The following FAM120C variants were observed in gnomAD, a reference collection of about 807,000 sequenced individuals.
FAM120C encodes constitutive coactivator of PPAR-gamma-like protein 2.
In FAM120C, 14 loss-of-function variants were observed where a neutral mutation model predicts 71.2. The observed-to-expected ratio is 0.20, with a 90% CI of 0.13 to 0.31. The LOEUF (loss-of-function observed/expected upper bound fraction) is 0.31, where lower values mean the gene tolerates loss of function less well. Ranked by LOEUF, FAM120C falls within the 10% of genes least tolerant of loss-of-function variation. The pLI, the probability that FAM120C is intolerant of heterozygous loss-of-function variation, is 1.00. For synonymous variants in FAM120C, 354 were observed against 353.2 expected (o/e 1.00, Z -0.03); for missense variants, 500 against 879.0 (o/e 0.57, Z 5.45).
intron 15 of FAM120C, among the ~76,000 whole-genome samples, chrX:54,077,522 A>G (rs1024371350): frequency 1.8e-5 from 2 of 110,627 alleles, no homozygotes; most frequent in African/African-American, 3.3e-5. Flanking sequence ...TCTACAAAAA[A>G]TATTTAAAAA....
chrX:54,165,693 C>T (rs1333734644), intron 1 of FAM120C, among the ~76,000 whole-genome samples: 1 of 110,600 alleles, frequency 9.0e-6, no homozygotes, highest in African/African-American at 3.3e-5. Context: ...AGGAGATTTG[C>T]TTGATCTCAG....
chrX:54,091,419 C>T lies in FAM120C; in HGVS notation c.2320G>A (p.Val774Ile). ...AGGATTCGGCCACCAGGCCACTGAA[C>T]CATGTACCTAGAAAATAAAAGCACT... ...LLMCCVLRYM[V>I]QWPGGRILHR... Residue 774 changes from valine to isoleucine, a missense_variant, in exon 11 of 16, where the codon GTT (valine) becomes ATT (isoleucine). Val to Ile is a conservative substitution (Grantham distance 29, BLOSUM62 3). This residue lies in a region of FAM120C where 104 missense variants were observed against 254.5 expected (regional missense o/e 0.41). Coordinates refer to ENST00000375180, the MANE Select transcript of FAM120C (RefSeq NM_017848.6). 1 of 1,193,623 alleles carries T rather than the reference C, an allele frequency of 8.4e-7. No individual in the cohort carries two copies. Among genetic ancestry groups the T allele is most frequent in the African/African-American group, 1.7e-5 (1 of 57,465 alleles).
intron 11 of FAM120C, among the ~76,000 whole-genome samples, chrX:54,089,746 G>A (rs979288155): frequency 2.7e-5 from 3 of 110,852 alleles, no homozygotes; most frequent in Non-Finnish European, 3.8e-5. Context: ...CGGATCACCC[G>A]AGGTTGGGAA....
At chrX:54,125,078 G>T (rs2067019334) in intron 9 of FAM120C, among the ~76,000 whole-genome samples, 1 of 110,483 alleles carries the variant, frequency 9.1e-6, no homozygotes, top group Non-Finnish European at 1.9e-5. Context: ...GGCCAGGCAT[G>T]ACGGCTCACA....
intron 10 of FAM120C, among the ~76,000 whole-genome samples, chrX:54,092,070 T>G (rs1490924745): frequency 9.0e-6 from 1 of 110,979 alleles, no homozygotes; most frequent in Admixed American, 9.7e-5. Context: ...AGTATGAATT[T>G]TGAAGAGAGA....
At chrX:54,159,653 C>T (rs781883681) in intron 1 of FAM120C, 37 bp from the exon 2 acceptor site, 1 of 1,200,608 alleles carries the variant, frequency 8.3e-7, no homozygotes, top group Non-Finnish European at 1.1e-6. Context: ...TGCCACAGAA[C>T]CTGATTTGTA....
chrX:54,079,441 C>CGAGA lies in FAM120C; in HGVS notation c.3036+787_3036+790dup, dbSNP rs201642298. Reference sequence around the variant, plus strand: ...CCTGAGTGACAGAGTGAGACCCTGTCGAGAGAGAGAGAGAGAGAGAGAGAA... The same window carrying CGAGA: ...CCTGAGTGACAGAGTGAGACCCTGTCGAGAGAGAGAGAGAGAGAGAGAGAGAGAA... On this transcript the variant is annotated intron_variant, in intron 15 of 15. Coordinates refer to ENST00000375180, the MANE Select transcript of FAM120C (RefSeq NM_017848.6). 6.7e-3 allele frequency among the ~76,000 whole-genome samples: 673 copies of CGAGA among 100,407 alleles called. 9 individuals carry two copies. The highest frequency in any genetic ancestry group is 0.022 in the African/African-American group (605 of 27,494). The allele number at this position is 100,407 out of a possible 115,157, so 87.2% of individuals were successfully genotyped here.
intron 1 of FAM120C, among the ~76,000 whole-genome samples, chrX:54,169,543 C>T (rs975673543): frequency 1.8e-4 from 20 of 111,556 alleles, no homozygotes; most frequent in African/African-American, 3.6e-4. Flanking sequence ...CTGACCTCTG[C>T]GGTACTTGAC....
chrX:54,091,169 T>C (rs1557122567), intron 11 of FAM120C, 143 bp downstream of exon 11: 1 of 429,833 alleles, frequency 2.3e-6, no homozygotes, highest in Non-Finnish European at 4.1e-6. Context: ...GCTTTATTCA[T>C]AGACATAAAT....
chrX:54,166,613 C>T (rs2067260621), intron 1 of FAM120C, among the ~76,000 whole-genome samples: 1 of 111,800 alleles, frequency 8.9e-6, no homozygotes, highest in African/African-American at 3.3e-5. Context: ...TATCTATACA[C>T]ATAGAAAAAT....
At chrX:54,117,487 G>C (rs986775975) in intron 9 of FAM120C, among the ~76,000 whole-genome samples, 5 of 107,166 alleles carry the variant, frequency 4.7e-5, no homozygotes, top group African/African-American at 1.7e-4. Context: ...TTGAGGTCAG[G>C]AGTTCAAGAC....
chrX:54,158,755 C>T (rs782303031), intron 2 of FAM120C, among the ~76,000 whole-genome samples: 2 of 110,866 alleles, frequency 1.8e-5, no homozygotes, highest in East Asian at 2.8e-4. Context: ...GGCGACACAG[C>T]GAGACTCTGT....
At position 54,072,986 on chromosome X, in the gene FAM120C, T is replaced by G; in HGVS notation, c.*47A>C. ...TAGCTTGGGCCTAAAATCAGAAAAG[T>G]AAAAGTTTTTCCCTCTTCCTGGTTT... On this transcript the variant is annotated 3_prime_UTR_variant, in exon 16 of 16. Coordinates refer to ENST00000375180, the MANE Select transcript of FAM120C (RefSeq NM_017848.6). 8.6e-7 allele frequency: 1 copy of G among 1,161,276 alleles called. No individual in the cohort carries two copies. The highest frequency in any genetic ancestry group is 1.1e-6 in the Non-Finnish European group (1 of 870,049).
At chrX:54,170,293 C>T (rs1227916903) in intron 1 of FAM120C, among the ~76,000 whole-genome samples, 1 of 110,452 alleles carries the variant, frequency 9.1e-6, no homozygotes, top group Non-Finnish European at 1.9e-5. Context: ...CCCACCACCA[C>T]GCCCAGCTAA....
intron 12 of FAM120C, among the ~76,000 whole-genome samples, chrX:54,086,445 G>A (rs1168227039): frequency 1.8e-5 from 2 of 111,551 alleles, no homozygotes; most frequent in African/African-American, 6.5e-5. Flanking sequence ...TATTCCACTC[G>A]GCTACTGTAA....
At chrX:54,101,039 T>G (rs1203662486) in intron 10 of FAM120C, among the ~76,000 whole-genome samples, 2 of 111,858 alleles carry the variant, frequency 1.8e-5, no homozygotes, top group Admixed American at 9.5e-5. Context: ...GTGGTGGCTC[T>G]GGCCCCGCTA....
chrX:54,117,386 A>G (rs1232228238), intron 9 of FAM120C, among the ~76,000 whole-genome samples: 21 of 102,020 alleles, frequency 2.1e-4, no homozygotes, highest in African/African-American at 6.8e-4. Flanking sequence ...AAATAAAATA[A>G]AATAAAATAA....
At chrX:54,148,783 C>T (rs1557132674) in intron 4 of FAM120C, among the ~76,000 whole-genome samples, 1 of 111,416 alleles carries the variant, frequency 9.0e-6, no homozygotes, top group East Asian at 2.8e-4. Context: ...TTAATAACAA[C>T]GTATTATATT....
chrX:54,138,453 T>C (rs1437565529), intron 4 of FAM120C, among the ~76,000 whole-genome samples: 1 of 99,392 alleles, frequency 1.0e-5, no homozygotes, highest in African/African-American at 3.8e-5. Context: ...TGAGCCGAAA[T>C]TGTGCCACCG....
Sources: gnomAD v4.1 joint callset for allele counts (sites outside exome capture counted in the v4.1 genomes callset) on GRCh38, gnomAD v4.1.1 for gene constraint, gnomAD v4.1.1 regional missense constraint, MANE v1.5 for transcripts, NCBI Gene and HGNC (gene_info 2026-07-23, HGNC 2026-07-21) for gene names.